The following CABIN1 variants were observed in gnomAD, a reference collection of about 807,000 sequenced individuals.
CABIN1 encodes the protein calcineurin binding protein 1.
In CABIN1, 133 loss-of-function variants were observed where a neutral mutation model predicts 227.7. That is an observed-to-expected ratio of 0.58 (90% CI 0.51 to 0.67). The LOEUF (loss-of-function observed/expected upper bound fraction) is 0.67. Ranked by LOEUF, CABIN1 falls within the 30% of genes least tolerant of loss-of-function variation. The pLI is 0.00. For missense variants in CABIN1, 2,408 were observed against 2,852.5 expected (o/e 0.84, Z 3.55); for synonymous variants, 1,086 against 1,155.1 (o/e 0.94, Z 1.21).
intron 31 of CABIN1, 21 bp downstream of exon 31, chr22:24,165,647 TCTC>T (rs2046402305): frequency 9.4e-6 from 15 of 1,597,442 alleles, no homozygotes; most frequent in Non-Finnish European, 1.2e-5. Flanking sequence ...TGTGTCCTCC[TCTC>T]CTCCACGGCC....
chr22:24,071,134 A>G, intron 17 of CABIN1, 92 bp downstream of exon 17: 2 of 1,554,408 alleles, frequency 1.3e-6, no homozygotes, highest in Non-Finnish European at 1.8e-6. Flanking sequence ...TTTCATTGCT[A>G]ATTAGGCACC....
chr22:24,053,146 C>T (rs187778456), intron 8 of CABIN1, among the ~76,000 whole-genome samples: 2 of 142,084 alleles, frequency 1.4e-5, no homozygotes, highest in Non-Finnish European at 3.0e-5. Context: ...GGCACAATCT[C>T]GGCTCACTGC....
intron 1 of CABIN1, among the ~76,000 whole-genome samples, chr22:24,031,362 C>T (rs565539818): frequency 2.6e-4 from 40 of 152,248 alleles, no homozygotes; most frequent in African/African-American, 7.2e-4. Context: ...AGGAGCTCCA[C>T]GCTAGTCAAG....
At position 24,167,288 on chromosome 22, in the gene CABIN1, C is replaced by T. The variant is rs770812195; in HGVS notation, c.5657C>T (p.Ser1886Leu). ...YDLGRVERIM[S>L]ETYMLIKQVD... ...CTGGGCCGTGTGGAGAGGATCATGTCGGAGACCTACATGCTCATCAAGCAG... is the reference window on the plus strand; with the variant it reads ...CTGGGCCGTGTGGAGAGGATCATGTTGGAGACCTACATGCTCATCAAGCAG... The change falls in exon 32 of 37, where the codon TCG becomes TTG. Residue 1886 changes from serine (S) to leucine (L), a missense_variant. Ser to Leu is a moderately radical substitution (Grantham distance 145). Coordinates refer to ENST00000263119, the MANE Select transcript of CABIN1 (RefSeq NM_012295.4). 5 of 1,612,938 alleles carry T rather than the reference C, an allele frequency of 3.1e-6. No individual in the cohort carries two copies. Among genetic ancestry groups the T allele is most frequent in the African/African-American group, 1.3e-5 (1 of 75,064 alleles).
intron 7 of CABIN1, among the ~76,000 whole-genome samples, chr22:24,049,960 C>A (rs1794121663): frequency 6.6e-6 from 1 of 152,164 alleles, no homozygotes; most frequent in South Asian, 2.1e-4. Flanking sequence ...GCCAGCAGGG[C>A]CACACCTCAG....
At chr22:24,088,359 C>G (rs1284417121) in intron 23 of CABIN1, among the ~76,000 whole-genome samples, 2 of 152,140 alleles carry the variant, frequency 1.3e-5, no homozygotes, top group Non-Finnish European at 2.9e-5. Context: ...CCTGTAATCC[C>G]AACACTTTCG....
intron 20 of CABIN1, among the ~76,000 whole-genome samples, chr22:24,084,328 G>A (rs1379758018): frequency 2.0e-5 from 3 of 150,346 alleles, no homozygotes; most frequent in African/African-American, 4.9e-5. Context: ...AACCTCTGCC[G>A]CTCAGGTTCA....
chr22:24,121,535 G>A (rs2043410372), intron 28 of CABIN1, among the ~76,000 whole-genome samples: 1 of 152,234 alleles, frequency 6.6e-6, no homozygotes, highest in Non-Finnish European at 1.5e-5. Flanking sequence ...CCACTTGGCA[G>A]TGGACCTTAC....
intron 28 of CABIN1, among the ~76,000 whole-genome samples, chr22:24,123,531 A>G (rs560936945): frequency 6.6e-5 from 10 of 152,306 alleles, no homozygotes; most frequent in Admixed American, 4.6e-4. Context: ...TACCACCACC[A>G]AATTGAATGC....
intron 26 of CABIN1, among the ~76,000 whole-genome samples, chr22:24,111,947 T>C (rs2042831538): frequency 6.6e-6 from 1 of 152,178 alleles, no homozygotes; most frequent in Admixed American, 6.5e-5. Context: ...GACTCTTGCT[T>C]TTTTTTATCT....
At chr22:24,035,354 A>G in intron 1 of CABIN1, 90 bp from the exon 2 acceptor site, 1 of 855,414 alleles carries the variant, frequency 1.2e-6, no homozygotes, top group East Asian at 2.5e-5. Flanking sequence ...CATAGAGCTC[A>G]GGGAAGGACT....
chr22:24,091,951 G>A (rs12165915), intron 24 of CABIN1, 108 bp downstream of exon 24: 17 of 1,374,090 alleles, frequency 1.2e-5, no homozygotes, highest in African/African-American at 2.9e-5. Context: ...TCAACCTGCC[G>A]CAAACTTATC....
intron 18 of CABIN1, among the ~76,000 whole-genome samples, chr22:24,075,200 T>TA (rs1048028683): frequency 1.3e-5 from 2 of 150,990 alleles, no homozygotes; most frequent in Non-Finnish European, 3.0e-5. Flanking sequence ...GACCTCATCT[T>TA]AAAAAAAAGA....
At chr22:24,131,639 A>G (rs1231150747) in intron 28 of CABIN1, among the ~76,000 whole-genome samples, 1 of 152,142 alleles carries the variant, frequency 6.6e-6, no homozygotes, top group East Asian at 1.9e-4. Context: ...TATCCCCATA[A>G]CAGCTTTGTG....
At chr22:24,168,593 C>T (rs2046597398) in intron 33 of CABIN1, 72 bp downstream of exon 33, 1 of 1,206,688 alleles carries the variant, frequency 8.3e-7, no homozygotes, top group Non-Finnish European at 1.2e-6. Flanking sequence ...AGGATGCAGG[C>T]TGAGAAGCAG....
At chr22:24,122,961 G>A (rs773536486) in intron 28 of CABIN1, among the ~76,000 whole-genome samples, 3 of 152,146 alleles carry the variant, frequency 2.0e-5, no homozygotes, top group African/African-American at 7.2e-5. Context: ...ACACAGAGCT[G>A]AGTGACAGAG....
intron 1 of CABIN1, among the ~76,000 whole-genome samples, chr22:24,033,323 ATTTAT>A (rs1243188694): frequency 1.3e-5 from 2 of 152,068 alleles, no homozygotes; most frequent in Admixed American, 6.6e-5. Flanking sequence ...GTCATTTTAA[ATTTAT>A]TTTATTATTA....
At chr22:24,104,546 C>T (rs997314109) in intron 26 of CABIN1, among the ~76,000 whole-genome samples, 3 of 152,204 alleles carry the variant, frequency 2.0e-5, no homozygotes, top group Admixed American at 6.5e-5. Context: ...AAAGAATGGA[C>T]AAGTGGTGCA....
In CABIN1 at chr22:24,087,610, C is replaced by G. The variant is rs778846837; in HGVS notation, c.3422C>G (p.Ser1141Cys). The G allele has an allele frequency of 1.2e-6, 2 of 1,614,196 alleles. No homozygotes were observed. Among genetic ancestry groups the G allele is most frequent in the Non-Finnish European group, 1.7e-6 (2 of 1,180,032 alleles). ...RALEIDSSNL[S>C]LWIEYGTMSY... ...CTGGAGATTGACAGCTCCAACTTGT[C>G]CCTATGGATTGAGTATGGCACCATG... The change falls in exon 23 of 37, where the codon TCC becomes TGC. Residue 1141 changes from serine (S) to cysteine (C), a missense_variant. Ser to Cys is a moderately radical substitution (Grantham distance 112). Transcript: ENST00000263119.
Sources: gnomAD v4.1 joint callset for allele counts (sites outside exome capture counted in the v4.1 genomes callset) on GRCh38, gnomAD v4.1.1 for gene constraint, MANE v1.5 for transcripts, NCBI Gene and HGNC (gene_info 2026-07-23, HGNC 2026-07-21) for gene names.